Variants in GALNS observed in about 807,000 individuals in gnomAD.
GALNS encodes the protein galactosamine (N-acetyl)-6-sulfatase, also known as N-acetylgalactosamine-6-sulfatase.
In GALNS, 65 loss-of-function variants were observed where a neutral mutation model predicts 65.9. The ratio of observed to expected loss-of-function variants is 0.99; its 90% CI spans 0.81 to 1.21. The LOEUF is 1.21. Ranked by LOEUF, GALNS falls within the 50% of genes most tolerant of loss-of-function variation. GALNS has a pLI of 0.00. For missense variants in GALNS, 776 were observed against 700.7 expected (o/e 1.11, Z -1.21); for synonymous variants, 346 against 288.9 (o/e 1.20, Z -2.00).
chr16:88,854,326 A>G (rs1967659066), intron 1 of GALNS, among the ~76,000 whole-genome samples: 1 of 152,226 alleles, frequency 6.6e-6, no homozygotes, highest in Non-Finnish European at 1.5e-5. Context: ...CCGGACTCCA[A>G]GGAGAGAAGA....
chr16:88,831,787 G>C lies in GALNS; in HGVS notation c.1002+211C>G, dbSNP rs572479165. On this transcript the variant is annotated intron_variant, in intron 9 of 13. Transcript: ENST00000268695. ...CCGAGCACGGGGTGCGTGGGGAGGA[G>C]AGCGGTGAGGCCGAGCACGGGGAGC... 5.6e-4 allele frequency among the ~76,000 whole-genome samples: 67 copies of C among 119,244 alleles called. 1 individual carries two copies. Among genetic ancestry groups the C allele is most frequent in the East Asian group, 3.5e-3 (14 of 3,954 alleles). The allele number at this position is 119,244 out of a possible 152,430, so 78.2% of individuals were successfully genotyped here.
intron 1 of GALNS, among the ~76,000 whole-genome samples, chr16:88,850,123 G>A (rs536094259): frequency 2.6e-5 from 4 of 152,368 alleles, no homozygotes; most frequent in African/African-American, 9.6e-5. Context: ...TCCAGTCCAG[G>A]TGGGAGAGTA....
chr16:88,827,483 G>A (rs1405260991), intron 9 of GALNS, among the ~76,000 whole-genome samples: 1 of 152,174 alleles, frequency 6.6e-6, no homozygotes, highest in East Asian at 1.9e-4. Flanking sequence ...TTTTGTTCTT[G>A]TCACCCAGGC....
intron 9 of GALNS, among the ~76,000 whole-genome samples, chr16:88,830,860 G>A (rs1008576976): frequency 6.6e-6 from 1 of 152,168 alleles, no homozygotes; most frequent in African/African-American, 2.4e-5. Context: ...TAGGACACTG[G>A]CCTGAGAAGA....
chr16:88,814,347 G>A lies in GALNS; in HGVS notation c.*92C>T, dbSNP rs191870580. The A allele has an allele frequency of 1.5e-4, 227 of 1,511,152 alleles. No homozygotes were observed. In the East Asian group the frequency reaches 5.5e-3, roughly 37 times the overall value. 93.6% of individuals were successfully genotyped at this position (1,511,152 alleles called of 1,614,324 possible). A position where few individuals can be genotyped will look rare whatever the true frequency, so the allele number is the denominator to read the frequency against. On this transcript the variant is annotated 3_prime_UTR_variant, in exon 14 of 14. Transcript: ENST00000268695. The stretch of plus-strand genomic sequence containing the variant: ...GTGCTGTCTGTCTGGCTTGGGCAGG[G>A]TTGGGGGAGGACCGAGGCCAGAGCC...
At chr16:88,835,679 G>A (rs1297625729) in intron 7 of GALNS, 46 bp downstream of exon 7, 5 of 1,612,414 alleles carry the variant, frequency 3.1e-6, no homozygotes, top group Non-Finnish European at 4.2e-6. Flanking sequence ...GTCAAGCACA[G>A]CTGGGGCCTC....
chr16:88,856,614 C>CGGGGCCTCCCCCCTTCCCCAA (rs1967913348), intron 1 of GALNS, 144 bp downstream of exon 1: 12 of 553,844 alleles, frequency 2.2e-5, no homozygotes, highest in Non-Finnish European at 1.7e-5. Flanking sequence ...CCTCCCCGCG[C>CGGGGCCTCCCCCCTTCCCCAA]GGGGCCTCCC....
chr16:88,815,404 C>T, intron 13 of GALNS: 2 of 985,486 alleles, frequency 2.0e-6, no homozygotes. Flanking sequence ...GAAGCCAGTC[C>T]CTACTGCGCT....
In GALNS at chr16:88,814,222, G is replaced by A. The variant is rs182258206; in HGVS notation, c.*217C>T. On this transcript the variant is annotated 3_prime_UTR_variant, in exon 14 of 14. Transcript: ENST00000268695. ...TGAGGCGCCGTGGGCGAGGAGGAGG[G>A]TCCTGAAATCTGAGGCGCCGTGGGC... 1.1e-5 allele frequency: 7 copies of A among 645,502 alleles called. No homozygotes were observed. In the East Asian group the frequency reaches 1.9e-4, roughly 18 times the overall value. The allele number at this position is 645,502 out of a possible 1,614,324, so 40.0% of individuals were successfully genotyped here.
chr16:88,828,733 C>G (rs1265786547), intron 9 of GALNS, among the ~76,000 whole-genome samples: 2 of 152,332 alleles, frequency 1.3e-5, no homozygotes, highest in East Asian at 3.9e-4. Flanking sequence ...TTTCCGTGGG[C>G]AGGTGGGTGG....
intron 9 of GALNS, among the ~76,000 whole-genome samples, chr16:88,827,874 G>A (rs1911095000): frequency 6.6e-6 from 1 of 152,230 alleles, no homozygotes; most frequent in South Asian, 2.1e-4. Flanking sequence ...TCCGCTGCCA[G>A]GCCCTGGAGC....
chr16:88,835,349 A>C lies in GALNS; in HGVS notation c.762T>G (p.Tyr254Ter), dbSNP rs770815269. The C allele has an allele frequency of 6.2e-7, 1 of 1,613,656 alleles. No individual in the cohort carries two copies. The highest frequency in any genetic ancestry group is 8.5e-7 in the Non-Finnish European group (1 of 1,179,852). Residue 254 changes from tyrosine (Y) to a stop codon, truncating the protein, a stop_gained, in exon 8 of 14, where the codon TAT (tyrosine) becomes TAG (stop). Transcript: ENST00000268695. LOFTEE classifies it high-confidence loss of function. ...CATCAATCTCCCGGACGGCGTCTCC[A>C]TACCTGCAGGATGGTGACAAAAGGC... ...PFLGTSQRGR[Y>*]GDAVREIDDS... is the part of the protein sequence containing the mutation.
rs752783795 is a variant in GALNS, at chr16:88,841,027, C to T, written c.387G>A (p.Lys129=). The T allele has an allele frequency of 4.3e-6, 7 of 1,613,210 alleles. No individual in the cohort carries two copies. The highest frequency in any genetic ancestry group is 5.9e-6 in the Non-Finnish European group (7 of 1,179,994). The change falls in exon 4 of 14, where the codon AAG becomes AAA. Residue 129 remains lysine, a synonymous_variant. Coordinates refer to ENST00000268695, the MANE Select transcript of GALNS (RefSeq NM_000512.5). ...DSEQLLPELL[K]KAGYVSKIVG... ...CAATCTTGCTGACGTAGCCGGCCTT[C>T]TTCAGAAGCTCCGGCAGGAGCTGCT... is the stretch of plus-strand genomic sequence containing the variant.
chr16:88,821,601 G>A (rs904436151), intron 12 of GALNS, among the ~76,000 whole-genome samples: 3 of 152,198 alleles, frequency 2.0e-5, no homozygotes, highest in Non-Finnish European at 2.9e-5. Context: ...GAGCCTCACC[G>A]CAGGCTCAGC....
rs1157442758 is a variant in GALNS at position 88,822,686 on chromosome 16, T to C, written c.1267A>G (p.Asn423Asp). The C allele has an allele frequency of 1.9e-6, 3 of 1,612,866 alleles. No homozygotes were observed. The highest frequency in any genetic ancestry group is 1.7e-6 in the Non-Finnish European group (2 of 1,179,712). Reference sequence around the variant, plus strand: ...TTGTGAGTTGTGACCCCTGAAACGTTCTGCCCAGGGCAGAAATCAATGCCC... The same window carrying C: ...TTGTGAGTTGTGACCCCTGAAACGTCCTGCCCAGGGCAGAAATCAATGCCC... ...RQGIDFCPGQ[N>D]VSGVTTHNLE... Residue 423 changes from asparagine (N) to aspartate (D), a missense_variant, in exon 12 of 14, where the codon AAC becomes GAC. Coordinates refer to ENST00000268695, the MANE Select transcript of GALNS (RefSeq NM_000512.5).
chr16:88,837,989 G>A (rs1412301962), intron 4 of GALNS: 1 of 554,052 alleles, frequency 1.8e-6, no homozygotes, highest in Non-Finnish European at 3.2e-6. Context: ...GCACAACCGA[G>A]GGCGGCAGGC....
chr16:88,822,176 G>C (rs1160196550), intron 12 of GALNS, among the ~76,000 whole-genome samples: 3 of 152,134 alleles, frequency 2.0e-5, no homozygotes, highest in Non-Finnish European at 4.4e-5. Flanking sequence ...TCCTCGGTGG[G>C]GTGAGGACAA....
chr16:88,839,176 G>C (rs914571070), intron 4 of GALNS, among the ~76,000 whole-genome samples: 1 of 144,502 alleles, frequency 6.9e-6, no homozygotes, highest in East Asian at 2.0e-4. Flanking sequence ...GTCACCGCCC[G>C]GCCACAGGGG....
At chr16:88,848,039 G>A (rs1967331799) in intron 1 of GALNS, among the ~76,000 whole-genome samples, 1 of 152,232 alleles carries the variant, frequency 6.6e-6, no homozygotes, top group Non-Finnish European at 1.5e-5. Context: ...TCCTCACACA[G>A]GCTGTGTGTG....
Sources: gnomAD v4.1 joint callset for allele counts (sites outside exome capture counted in the v4.1 genomes callset) on GRCh38, gnomAD v4.1.1 for gene constraint, MANE v1.5 for transcripts, NCBI Gene and HGNC (gene_info 2026-07-23, HGNC 2026-07-21) for gene names.